Variants in KLF8 observed in about 807,000 individuals in gnomAD.
The protein encoded by KLF8 is KLF transcription factor 8.
KLF8 carries 10 observed loss-of-function variants against 18.2 expected under a neutral mutation model. The ratio of observed to expected loss-of-function variants is 0.55; its 90% CI spans 0.34 to 0.93. The LOEUF is 0.93. Ranked by LOEUF, KLF8 falls within the 40% of genes least tolerant of loss-of-function variation. The pLI is 0.02. For missense variants in KLF8, 264 were observed against 277.9 expected (o/e 0.95, Z 0.36); for synonymous variants, 109 against 97.3 (o/e 1.12, Z -0.71).
the KLF8 span, among the ~76,000 whole-genome samples, chrX:56,160,541 A>G: frequency 9.0e-6 from 1 of 111,381 alleles, no homozygotes; most frequent in Admixed American, 9.6e-5. Context: ...TTTGTAGGTT[A>G]CTAAGGACTT....
At chrX:56,266,099 T>C in intron 3 of KLF8, 1 of 781,336 alleles carries the variant, frequency 1.3e-6, no homozygotes, top group Non-Finnish European at 1.5e-6. Context: ...ATAAACCACA[T>C]GCTTCAAAAA....
intron 1 of KLF8, among the ~76,000 whole-genome samples, chrX:56,233,855 G>T (rs1364143918): frequency 9.0e-6 from 1 of 111,575 alleles, no homozygotes; most frequent in Non-Finnish European, 1.9e-5. Context: ...AAGCAGCTGC[G>T]GGGGAGGAGC....
chrX:55,916,955 A>C, the KLF8 span, among the ~76,000 whole-genome samples: 4 of 111,973 alleles, frequency 3.6e-5, no homozygotes, highest in Admixed American at 3.8e-4. Flanking sequence ...AGAGATTGCT[A>C]ACCTTAGACA....
chrX:56,142,493 G>A, the KLF8 span, among the ~76,000 whole-genome samples: 15 of 110,887 alleles, frequency 1.4e-4, no homozygotes, highest in East Asian at 5.7e-4. Context: ...TTGTATGCTC[G>A]CTTTTTAGAT....
the KLF8 span, among the ~76,000 whole-genome samples, chrX:56,042,061 A>G: frequency 2.7e-5 from 3 of 111,506 alleles, no homozygotes; most frequent in East Asian, 8.4e-4. Context: ...CATCCCAGAG[A>G]TTCTGGTTTG....
At chrX:55,989,321 A>G in the KLF8 span, among the ~76,000 whole-genome samples, 3 of 112,137 alleles carry the variant, frequency 2.7e-5, no homozygotes, top group African/African-American at 6.5e-5. Context: ...CCCTTTCAGT[A>G]TGATATTGGC....
chrX:56,005,437 G>A, the KLF8 span, among the ~76,000 whole-genome samples: 1 of 112,024 alleles, frequency 8.9e-6, no homozygotes, highest in Non-Finnish European at 1.9e-5. Context: ...AGTGCATGCT[G>A]TAGCCAACAG....
At chrX:55,934,798 T>G in the KLF8 span, among the ~76,000 whole-genome samples, 1 of 112,406 alleles carries the variant, frequency 8.9e-6, no homozygotes, top group Non-Finnish European at 1.9e-5. Context: ...ATTGTGTGAC[T>G]CAGCTGCCTG....
rs1450425679 is a variant in KLF8 at position 56,289,694 on chromosome X, T to C, written c.*5200T>C. On this transcript the variant is annotated 3_prime_UTR_variant, in exon 6 of 6. Coordinates refer to ENST00000468660, the MANE Select transcript of KLF8 (RefSeq NM_007250.5). ...TCTCAACCTCTGTCATCTATTTACT[T>C]AATTTTTCAAATTCAGTGTGCACAT... Among the ~76,000 whole-genome samples, 1 of 111,781 alleles carries C rather than the reference T, an allele frequency of 8.9e-6. No individual in the cohort carries two copies. The highest frequency in any genetic ancestry group is 9.5e-5 in the Admixed American group (1 of 10,475).
Position 56,250,230 on chromosome X carries a change from G to C in KLF8, c.8-1G>C, listed in dbSNP as rs1437051339. The C allele has an allele frequency of 1.7e-6, 2 of 1,196,587 alleles. No homozygotes were observed. The highest frequency in any genetic ancestry group is 2.3e-6 in the Non-Finnish European group (2 of 883,326). ...TTGTCTTTTCCTTTTCTCTTTTCCA[G>C]ATATGGATAAACTCATAAACAACTT... On this transcript the variant is annotated splice_acceptor_variant, in intron 1 of 5. Coordinates refer to ENST00000468660, the MANE Select transcript of KLF8 (RefSeq NM_007250.5). LOFTEE classifies it high-confidence loss of function.
the KLF8 span, among the ~76,000 whole-genome samples, chrX:56,057,291 G>T: frequency 9.0e-6 from 1 of 111,397 alleles, no homozygotes. Context: ...GGTGGGCCTT[G>T]CTGATTCTGT....
At chrX:56,177,657 A>G in the KLF8 span, among the ~76,000 whole-genome samples, 1 of 111,726 alleles carries the variant, frequency 9.0e-6, no homozygotes, top group Non-Finnish European at 1.9e-5. Context: ...AAGTCTGCAG[A>G]GGACTCTGCT....
the KLF8 span, among the ~76,000 whole-genome samples, chrX:56,184,669 A>G: frequency 6.3e-5 from 7 of 111,575 alleles, no homozygotes; most frequent in Non-Finnish European, 1.1e-4. Flanking sequence ...TACTCCTCTG[A>G]GACAAAATTT....
At chrX:56,222,102 G>A in the KLF8 span, among the ~76,000 whole-genome samples, 6 of 111,582 alleles carry the variant, frequency 5.4e-5, no homozygotes, top group African/African-American at 1.3e-4. Context: ...ACAGGGTGCC[G>A]ATTGGTGTGA....
intron 1 of KLF8, among the ~76,000 whole-genome samples, chrX:56,240,358 C>G (rs1018509866): frequency 1.8e-5 from 2 of 111,992 alleles, no homozygotes; most frequent in Non-Finnish European, 3.8e-5. Flanking sequence ...TTGCACAAAA[C>G]ATGGATGAGG....
chrX:55,919,715 G>A, the KLF8 span, among the ~76,000 whole-genome samples: 2 of 111,300 alleles, frequency 1.8e-5, no homozygotes, highest in African/African-American at 6.5e-5. Context: ...AGCAGCCACA[G>A]CAAGCCCGGC....
chrX:55,936,893 G>A, the KLF8 span, among the ~76,000 whole-genome samples: 1 of 112,166 alleles, frequency 8.9e-6, no homozygotes, highest in African/African-American at 3.2e-5. Flanking sequence ...CGAACTGGGT[G>A]GAGCCCACCA....
chrX:55,915,335 T>G, the KLF8 span, among the ~76,000 whole-genome samples: 1 of 111,668 alleles, frequency 9.0e-6, no homozygotes, highest in Non-Finnish European at 1.9e-5. Context: ...GGCTATACAA[T>G]CTACATTTTT....
the KLF8 span, among the ~76,000 whole-genome samples, chrX:56,202,559 T>TTCCCCC: frequency 4.0e-5 from 3 of 75,806 alleles, no homozygotes; most frequent in Admixed American, 1.4e-4. Flanking sequence ...CCATTAACCT[T>TTCCCCC]CCCCCCCCCT....
Sources: allele counts gnomAD v4.1 joint callset (sites outside exome capture counted in the v4.1 genomes callset), GRCh38; gene constraint gnomAD v4.1.1; transcripts MANE v1.5; gene names NCBI Gene and HGNC (gene_info 2026-07-23, HGNC 2026-07-21).